AMIGO2: variants seen among roughly 807,000 people sequenced by gnomAD.
The protein encoded by AMIGO2 is adhesion molecule with Ig like domain 2, also known as amphoterin-induced protein 2.
Under a neutral mutation model 23.7 loss-of-function variants are expected in AMIGO2, and 15 were observed. That is an observed-to-expected ratio of 0.63 (90% CI 0.42 to 0.98). The LOEUF (loss-of-function observed/expected upper bound fraction) is 0.98. AMIGO2 is among the 50% of genes least tolerant of loss of function. The pLI is 0.00. For missense variants in AMIGO2, 561 were observed against 633.1 expected, an observed-to-expected ratio of 0.89 and a Z score of 1.22; for synonymous variants, 264 against 252.3, an observed-to-expected ratio of 1.05 and a Z score of -0.44.
rs201958203 is a variant in AMIGO2, at chr12:47,078,128, C to A, written c.875G>T (p.Arg292Leu). ...CSDSIINGSF[R>L]ALGFIHEAQV... The stretch of plus-strand genomic sequence containing the variant: ...AGCCTCATGAATAAAGCCAAGCGCA[C>A]GAAAGGAACCATTGATGATGCTGTC... The change falls in exon 3 of 3, where the codon CGT (arginine) becomes CTT (leucine). Residue 292 changes from arginine (R) to leucine (L), a missense_variant. Physicochemically the swap from Arg to Leu is moderately radical, Grantham distance 102 (BLOSUM62 -2). Coordinates refer to ENST00000550413, the MANE Select transcript of AMIGO2 (RefSeq NM_001370299.1). 3 of 1,614,132 alleles carry A rather than the reference C, an allele frequency of 1.9e-6. No homozygotes were observed. The highest frequency in any genetic ancestry group is 2.2e-5 in the East Asian group (1 of 44,882).
chr12:47,078,183 G>A lies in AMIGO2; in HGVS notation c.820C>T (p.Leu274=), dbSNP rs770976067. 2 of 1,614,194 alleles carry A rather than the reference G, an allele frequency of 1.2e-6. No homozygotes were observed. The highest frequency in any genetic ancestry group is 1.7e-6 in the Non-Finnish European group (2 of 1,180,042). The change falls in exon 3 of 3, where the codon CTG becomes TTG. Residue 274 remains leucine, a synonymous_variant. Transcript: ENST00000550413. ...CAATTCATAAAGCTATCCTGGAGCA[G>A]AAGTACCTGACGCGAGTGCCTGGAG... The part of the protein sequence containing the change: ...SDSRHSRQVL[L]LQDSFMNCSD...
rs1941886117 is a variant in AMIGO2 at position 47,078,094 on chromosome 12, C to T, written c.909G>A (p.Gly303=). ...TGTCACAGTGGACCATCAGTCTTTC[C>T]CCGACCTGAGCCTCATGAATAAAGC... The part of the protein sequence containing the change: ...ALGFIHEAQV[G]ERLMVHCDSK... Residue 303 remains glycine (G), a synonymous_variant, in exon 3 of 3, where the codon GGG becomes GGA. Coordinates refer to ENST00000550413, the MANE Select transcript of AMIGO2 (RefSeq NM_001370299.1). 1.2e-6 allele frequency: 2 copies of T among 1,614,014 alleles called. No homozygotes were observed. Among genetic ancestry groups the T allele is most frequent in the African/African-American group, 1.3e-5 (1 of 74,892 alleles).
chr12:47,079,106 AACTG>A (rs1457807772), intron 2 of AMIGO2, 32 bp downstream of exon 2: 2 of 1,472,704 alleles, frequency 1.4e-6, no homozygotes, highest in African/African-American at 1.4e-5. Flanking sequence ...AAAAAGCAGA[AACTG>A]ACTACCACTA....
rs1941877977 is a variant in AMIGO2, at chr12:47,077,750, T to G, written c.1253A>C (p.Tyr418Ser). The G allele has an allele frequency of 1.9e-6, 3 of 1,614,070 alleles. No homozygotes were observed. The highest frequency in any genetic ancestry group is 2.5e-6 in the Non-Finnish European group (3 of 1,180,036). Residue 418 changes from tyrosine to serine, a missense_variant, in exon 3 of 3, where the codon TAT becomes TCT. Transcript: ENST00000550413. ...ASIVLVLLYL[Y>S]LTPCPCKCKT... ...ACACTTGCAGGGGCATGGAGTCAGA[T>G]AGAGGTACAAAAGTACCAAAACGAT...
At position 47,078,005 on chromosome 12, in the gene AMIGO2, G is replaced by C; in HGVS notation, c.998C>G (p.Pro333Arg). 6.2e-7 allele frequency: 1 copy of C among 1,613,786 alleles called. No individual in the cohort carries two copies. Among genetic ancestry groups the C allele is most frequent in the Non-Finnish European group, 8.5e-7 (1 of 1,180,032 alleles). ...GTAAAAGTTTTCCATCTCTTTATCC[G>C]GCTCTAGCAGTCTGTTATCTGGACC... ...WVGPDNRLLEPDKEMENFYVF... is the reference protein window; with the variant it reads ...WVGPDNRLLERDKEMENFYVF... Residue 333 changes from proline to arginine, a missense_variant, in exon 3 of 3, where the codon CCG becomes CGG. Pro to Arg is a moderately radical substitution (Grantham distance 103, BLOSUM62 -2). Transcript: ENST00000550413.
chr12:47,078,859 G>A lies in AMIGO2; in HGVS notation c.144C>T (p.Ala48=), dbSNP rs753370490. The A allele has an allele frequency of 3.0e-5, 49 of 1,614,102 alleles. No homozygotes were observed. ...SGVCPTACIC[A]TDIVSCTNKN... ...TGTTGGTGCAGCTGACGATGTCAGT[G>A]GCACAGATGCAAGCGGTGGGGCACA... The change falls in exon 3 of 3, where the codon GCC becomes GCT. Residue 48 remains alanine, a synonymous_variant. Coordinates refer to ENST00000550413, the MANE Select transcript of AMIGO2 (RefSeq NM_001370299.1).
Position 47,078,120 on chromosome 12 carries a change from C to A in AMIGO2, c.883G>T (p.Gly295Cys). ...CCGACCTGAGCCTCATGAATAAAGCCAAGCGCACGAAAGGAACCATTGATG... is the reference window on the plus strand; with the variant it reads ...CCGACCTGAGCCTCATGAATAAAGCAAAGCGCACGAAAGGAACCATTGATG... ...SIINGSFRAL[G>C]FIHEAQVGER... Residue 295 changes from glycine to cysteine, a missense_variant, in exon 3 of 3, where the codon GGC (glycine) becomes TGC (cysteine). Transcript: ENST00000550413. 1.9e-6 allele frequency: 3 copies of A among 1,614,166 alleles called. No homozygotes were observed. The highest frequency in any genetic ancestry group is 2.5e-6 in the Non-Finnish European group (3 of 1,180,042).
chr12:47,078,358 C>A lies in AMIGO2; in HGVS notation c.645G>T (p.Val215=), dbSNP rs141387633. Residue 215 remains valine (V), a synonymous_variant, in exon 3 of 3, where the codon GTG becomes GTT. Coordinates refer to ENST00000550413, the MANE Select transcript of AMIGO2 (RefSeq NM_001370299.1). ...PSMPMHHINL[V]PGKQLRGIYL... is the part of the protein sequence containing the mutation. ...AGATGCCTCTCAGCTGTTTTCCTGG[C>A]ACTAAATTTATGTGGTGCATTGGCA... 5 of 1,613,748 alleles carry A rather than the reference C, an allele frequency of 3.1e-6. No homozygotes were observed. The highest frequency in any genetic ancestry group is 1.3e-5 in the African/African-American group (1 of 74,922).
Position 47,078,772 on chromosome 12 carries a change from A to G in AMIGO2, c.231T>C (p.Tyr77=), listed in dbSNP as rs376626328. The change falls in exon 3 of 3, where the codon TAT becomes TAC. Residue 77 remains tyrosine (Y), a synonymous_variant. Transcript: ENST00000550413. ...FRLIKRLDLS[Y]NRIGLLDSEW... is the part of the protein sequence containing the mutation. The stretch of plus-strand genomic sequence containing the variant: ...CAGAATCCAGAAGCCCAATTCTGTT[A>G]TAACTCAGGTCCAGTCTCTTAATCA... 201 of 1,614,114 alleles carry G rather than the reference A, an allele frequency of 1.2e-4. No individual in the cohort carries two copies. Among genetic ancestry groups the G allele is most frequent in the Non-Finnish European group, 1.5e-4 (173 of 1,180,048 alleles).
At position 47,077,948 on chromosome 12, in the gene AMIGO2, C is replaced by G; in HGVS notation, c.1055G>C (p.Ser352Thr). The change falls in exon 3 of 3, where the codon AGC becomes ACC. Residue 352 changes from serine (S) to threonine (T), a missense_variant. Transcript: ENST00000550413. ...VFHNGSLVIE[S>T]PRFEDAGVYS... ...CACTCCAGCATCCTCAAAACGAGGG[C>G]TTTCTATAACCAGACTTCCATTGTG... 6.2e-7 allele frequency: 1 copy of G among 1,613,828 alleles called. No homozygotes were observed. Among genetic ancestry groups the G allele is most frequent in the Non-Finnish European group, 8.5e-7 (1 of 1,180,022 alleles).
Position 47,076,868 on chromosome 12 carries a change from A to G in AMIGO2, c.*566T>C, listed in dbSNP as rs1218655953. 1 of 152,380 alleles carries G rather than the reference A, an allele frequency of 6.6e-6. No individual in the cohort carries two copies. Among genetic ancestry groups the G allele is most frequent in the Non-Finnish European group, 1.5e-5 (1 of 68,160 alleles). 9.4% of individuals were successfully genotyped at this position (152,380 alleles called of 1,614,324 possible). On this transcript the variant is annotated 3_prime_UTR_variant, in exon 3 of 3. Coordinates refer to ENST00000550413, the MANE Select transcript of AMIGO2 (RefSeq NM_001370299.1). ...TTCCTTGCACTATTTCTATAACACC[A>G]TATAGGATGTGGCATTATCCAGTAC...
At position 47,079,891 on chromosome 12, in the gene AMIGO2, G is replaced by A. The variant is rs1193871979; in HGVS notation, c.-600C>T. ...GGGGTTCCCGCGCGCCCGGGGCCGG[G>A]AGACGGGCTGGGGCGCCGGTCCCAC... On this transcript the variant is annotated 5_prime_UTR_variant, in exon 1 of 3. Coordinates refer to ENST00000550413, the MANE Select transcript of AMIGO2 (RefSeq NM_001370299.1). 1 of 150,844 alleles carries A rather than the reference G, an allele frequency of 6.6e-6. No homozygotes were observed. Among genetic ancestry groups the A allele is most frequent in the Non-Finnish European group, 1.5e-5 (1 of 67,606 alleles). 9.3% of individuals were successfully genotyped at this position (150,844 alleles called of 1,614,324 possible). A position where few individuals can be genotyped will look rare whatever the true frequency, so the allele number is the denominator to read the frequency against.
chr12:47,078,097 G>T lies in AMIGO2; in HGVS notation c.906C>A (p.Val302=). The T allele has an allele frequency of 6.2e-7, 1 of 1,614,044 alleles. No individual in the cohort carries two copies. The highest frequency in any genetic ancestry group is 8.5e-7 in the Non-Finnish European group (1 of 1,180,018). The stretch of plus-strand genomic sequence containing the variant: ...CACAGTGGACCATCAGTCTTTCCCC[G>T]ACCTGAGCCTCATGAATAAAGCCAA... The part of the protein sequence containing the change: ...RALGFIHEAQ[V]GERLMVHCDS... The change falls in exon 3 of 3, where the codon GTC becomes GTA. Residue 302 remains valine (V), a synonymous_variant. Transcript: ENST00000550413.
rs368629555 is a variant in AMIGO2 at position 47,078,202 on chromosome 12, C to A, written c.801G>T (p.Arg267Ser). 6.2e-7 allele frequency: 1 copy of A among 1,614,066 alleles called. No individual in the cohort carries two copies. The highest frequency in any genetic ancestry group is 1.3e-5 in the African/African-American group (1 of 74,912). The change falls in exon 3 of 3, where the codon AGG becomes AGT. Residue 267 changes from arginine to serine, a missense_variant. Transcript: ENST00000550413. The part of the protein sequence containing the change: ...DYTCRLWSDS[R>S]HSRQVLLLQD... ...GGAGCAGAAGTACCTGACGCGAGTG[C>A]CTGGAGTCAGACCACAGGCGACAGG... is the stretch of plus-strand genomic sequence containing the variant.
At position 47,077,992 on chromosome 12, in the gene AMIGO2, C is replaced by T; in HGVS notation, c.1011G>A (p.Met337Ile). 1 of 1,613,824 alleles carries T rather than the reference C, an allele frequency of 6.2e-7. No individual in the cohort carries two copies. Among genetic ancestry groups the T allele is most frequent in the Non-Finnish European group, 8.5e-7 (1 of 1,180,040 alleles). ...CATTGTGAAACACGTAAAAGTTTTC[C>T]ATCTCTTTATCCGGCTCTAGCAGTC... is the stretch of plus-strand genomic sequence containing the variant. ...DNRLLEPDKE[M>I]ENFYVFHNGS... is the part of the protein sequence containing the mutation. Residue 337 changes from methionine to isoleucine, a missense_variant, in exon 3 of 3, where the codon ATG becomes ATA. Met to Ile is a conservative substitution (Grantham distance 10, BLOSUM62 1). Coordinates refer to ENST00000550413, the MANE Select transcript of AMIGO2 (RefSeq NM_001370299.1).
At position 47,078,401 on chromosome 12, in the gene AMIGO2, T is replaced by C. The variant is rs746750471; in HGVS notation, c.602A>G (p.Tyr201Cys). The change falls in exon 3 of 3, where the codon TAT becomes TGT. Residue 201 changes from tyrosine to cysteine, a missense_variant. Physicochemically the swap from Tyr to Cys is radical, Grantham distance 194 (BLOSUM62 -2). Coordinates refer to ENST00000550413, the MANE Select transcript of AMIGO2 (RefSeq NM_001370299.1). Reference sequence around the variant, plus strand: ...CATTGGCATGGAAGGAATTCGGTTATAAGAAACATCTAAAAACATCAGTTC... The same window carrying C: ...CATTGGCATGGAAGGAATTCGGTTACAAGAAACATCTAAAAACATCAGTTC... ...LAELMFLDVS[Y>C]NRIPSMPMHH... 1.2e-6 allele frequency: 2 copies of C among 1,614,168 alleles called. No individual in the cohort carries two copies. The highest frequency in any genetic ancestry group is 8.5e-7 in the Non-Finnish European group (1 of 1,180,036).
chr12:47,078,026 G>T lies in AMIGO2; in HGVS notation c.977C>A (p.Pro326Gln), dbSNP rs192388517. The T allele has an allele frequency of 1.9e-6, 3 of 1,613,836 alleles. No individual in the cohort carries two copies. The African/African-American group carries it at 4.0e-5, about 22-fold the overall frequency. The change falls in exon 3 of 3, where the codon CCA becomes CAA. Residue 326 changes from proline to glutamine, a missense_variant. By Grantham distance (76) the Pro-to-Gln change is moderately conservative. Coordinates refer to ENST00000550413, the MANE Select transcript of AMIGO2 (RefSeq NM_001370299.1). Reference sequence around the variant, plus strand: ...ATCCGGCTCTAGCAGTCTGTTATCTGGACCCACCCAGATGAAATCCGTATT... The same window carrying T: ...ATCCGGCTCTAGCAGTCTGTTATCTTGACCCACCCAGATGAAATCCGTATT... ...NANTDFIWVG[P>Q]DNRLLEPDKE...
Position 47,078,412 on chromosome 12 carries a change from T to TA in AMIGO2, c.590dup (p.Leu197PhefsTer6). On this transcript the variant is annotated frameshift_variant, in exon 3 of 3. Coordinates refer to ENST00000550413, the MANE Select transcript of AMIGO2 (RefSeq NM_001370299.1). LOFTEE classifies it high-confidence loss of function. ...AAGGAATTCGGTTATAAGAAACATCTAAAAACATCAGTTCTGCCAGCTTGA... is the reference window on the plus strand; with the variant it reads ...AAGGAATTCGGTTATAAGAAACATCTAAAAAACATCAGTTCTGCCAGCTTGA... The TA allele has an allele frequency of 6.2e-7, 1 of 1,614,174 alleles. No homozygotes were observed. The highest frequency in any genetic ancestry group is 8.5e-7 in the Non-Finnish European group (1 of 1,180,036).
In AMIGO2 at chr12:47,078,973, G is replaced by T. The variant is rs1257641142; in HGVS notation, c.30C>A (p.Thr10=). The T allele has an allele frequency of 6.2e-7, 1 of 1,612,316 alleles. No homozygotes were observed. The highest frequency in any genetic ancestry group is 8.5e-7 in the Non-Finnish European group (1 of 1,179,046). The change falls in exon 3 of 3, where the codon ACC becomes ACA. Residue 10 remains threonine, a synonymous_variant. Transcript: ENST00000550413. The stretch of plus-strand genomic sequence containing the variant: ...CCGGTCTGACGACGGCTCCAAGCAG[G>T]GTGGGCAGAGTGTGTACACGTAACG... The part of the protein sequence containing the change: MSLRVHTLP[T]LLGAVVRPGC...
Sources: gnomAD v4.1 joint callset for allele counts on GRCh38, gnomAD v4.1.1 for gene constraint, MANE v1.5 for transcripts, NCBI Gene and HGNC (gene_info 2026-07-23, HGNC 2026-07-21) for gene names.